The following CCPG1 variants were observed in gnomAD, a reference collection of about 807,000 sequenced individuals.
CCPG1 encodes the protein cell cycle progression 1.
In CCPG1, 46 loss-of-function variants were observed where a neutral mutation model predicts 81.3. That is an observed-to-expected ratio of 0.57 (90% CI 0.45 to 0.72). The LOEUF (loss-of-function observed/expected upper bound fraction) is 0.72. Among genes scored for constraint, CCPG1 ranks in the 30% least tolerant of loss-of-function variants. The pLI, the probability that CCPG1 is intolerant of heterozygous loss-of-function variation, is 0.00. For missense variants in CCPG1, 902 were observed against 937.6 expected, an observed-to-expected ratio of 0.96 and a Z score of 0.50; for synonymous variants, 330 against 305.2, an observed-to-expected ratio of 1.08 and a Z score of -0.85.
chr15:55,367,204 T>C (rs933121998), intron 6 of CCPG1, among the ~76,000 whole-genome samples: 2 of 152,210 alleles, frequency 1.3e-5, no homozygotes, highest in African/African-American at 4.8e-5. Context: ...TTTTTTCAAA[T>C]GTTGAAATTT....
chr15:55,379,430 A>G (rs1281155654), intron 3 of CCPG1, among the ~76,000 whole-genome samples: 2 of 152,130 alleles, frequency 1.3e-5, no homozygotes, highest in Non-Finnish European at 1.5e-5. Context: ...CAGAAAGCTG[A>G]GGCAGGAGGA....
At position 55,384,628 on chromosome 15, in the gene CCPG1, A is replaced by T. The variant is rs144666705; in HGVS notation, c.175+972T>A. 1.0e-2 allele frequency among the ~76,000 whole-genome samples: 1,520 copies of T among 152,286 alleles called. 21 individuals are homozygous for T. Among genetic ancestry groups the T allele is most frequent in the African/African-American group, 0.035 (1,440 of 41,574 alleles). On this transcript the variant is annotated intron_variant, in intron 3 of 8. Coordinates refer to ENST00000442196, the MANE Select transcript of CCPG1 (RefSeq NM_001204450.2). Reference sequence around the variant, plus strand: ...CAAGATCATACCATTGCACTCCAGCATGGGAAACAAGAGCGAAACTCCGCC... The same window carrying T: ...CAAGATCATACCATTGCACTCCAGCTTGGGAAACAAGAGCGAAACTCCGCC...
At position 55,371,918 on chromosome 15, in the gene CCPG1, A is replaced by G. The variant is rs201663978; in HGVS notation, c.581T>C (p.Leu194Pro). Residue 194 changes from leucine to proline, a missense_variant, in exon 6 of 9, where the codon CTA (leucine) becomes CCA (proline). This residue lies in a region of CCPG1 where 746 missense variants were observed against 728.6 expected (regional missense o/e 1.02). Coordinates refer to ENST00000442196, the MANE Select transcript of CCPG1 (RefSeq NM_001204450.2). ...AGGTTCAGTTTCTTGTTCAGCAACT[A>G]GCCGGTCTTCAGATTCTGAAGCAGA... ...TVSASESEDR[L>P]VAEQETEPSK... 67 of 1,614,086 alleles carry G rather than the reference A, an allele frequency of 4.2e-5. No homozygotes were observed. Among genetic ancestry groups the G allele is most frequent in the Non-Finnish European group, 5.3e-5 (63 of 1,180,036 alleles).
At chr15:55,396,154 CAAAAAAAAAA>C (rs57419686) in intron 1 of CCPG1, among the ~76,000 whole-genome samples, 4 of 123,092 alleles carry the variant, frequency 3.2e-5, no homozygotes, top group African/African-American at 1.3e-4. Flanking sequence ...ACTCCACCTC[CAAAAAAAAAA>C]AAAAAAAAGA....
chr15:55,358,473 G>A (rs1393237215), intron 8 of CCPG1: 1 of 985,252 alleles, frequency 1.0e-6, no homozygotes, highest in Non-Finnish European at 1.2e-6. Flanking sequence ...GGCCCTTCAT[G>A]GTCTGCATCT....
chr15:55,355,376 A>T lies in CCPG1; in HGVS notation c.*844T>A, dbSNP rs371775367. ...GCCAGAGGGTCGAATTGGAAGTCAC[A>T]TATATGTCTATGAACGGAAGTTAAA... On this transcript the variant is annotated 3_prime_UTR_variant, in exon 9 of 9. Transcript: ENST00000442196. 39 of 1,611,628 alleles carry T rather than the reference A, an allele frequency of 2.4e-5. No individual in the cohort carries two copies. The highest frequency in any genetic ancestry group is 3.3e-5 in the Non-Finnish European group (39 of 1,178,142).
chr15:55,401,259 A>T (rs1239951759), intron 1 of CCPG1, among the ~76,000 whole-genome samples: 1 of 152,122 alleles, frequency 6.6e-6, no homozygotes, highest in Non-Finnish European at 1.5e-5. Flanking sequence ...TGTGTTCTCT[A>T]TTCTGTTCCA....
intron 1 of CCPG1, among the ~76,000 whole-genome samples, chr15:55,395,798 A>C (rs967102055): frequency 6.6e-6 from 1 of 152,166 alleles, no homozygotes; most frequent in African/African-American, 2.4e-5. Flanking sequence ...ATACATATTA[A>C]GCAATCAATA....
At chr15:55,376,522 G>C (rs1472065033) in intron 5 of CCPG1, among the ~76,000 whole-genome samples, 1 of 152,172 alleles carries the variant, frequency 6.6e-6, no homozygotes, top group African/African-American at 2.4e-5. Flanking sequence ...ATAAATGTTT[G>C]TTGCATGATT....
chr15:55,395,007 C>A (rs1301290110), intron 1 of CCPG1, among the ~76,000 whole-genome samples: 4 of 152,036 alleles, frequency 2.6e-5, no homozygotes, highest in Non-Finnish European at 5.9e-5. Context: ...GGATTTGAGA[C>A]TGAGATGGAT....
rs1336535773 is a variant in CCPG1 at position 55,388,995 on chromosome 15, T to C, written c.60+370A>G. 3.0e-5 allele frequency among the ~76,000 whole-genome samples: 4 copies of C among 133,400 alleles called. No individual in the cohort carries two copies. The Admixed American group carries it at 3.6e-4, about 12-fold the overall frequency. The allele number at this position is 133,400 out of a possible 152,430, so 87.5% of individuals were successfully genotyped here. A position where few individuals can be genotyped will look rare whatever the true frequency, so the allele number is the denominator to read the frequency against. On this transcript the variant is annotated intron_variant, in intron 2 of 8. Coordinates refer to ENST00000442196, the MANE Select transcript of CCPG1 (RefSeq NM_001204450.2). ...AGGCAGGAGAATCATTTCAGTCCAG[T>C]GGGGCGGAGGTTGCAGTGAGCTGAG...
At chr15:55,365,901 G>A (rs1477084650) in intron 6 of CCPG1, among the ~76,000 whole-genome samples, 1 of 151,144 alleles carries the variant, frequency 6.6e-6, no homozygotes, top group African/African-American at 2.4e-5. Context: ...AGACCAGCCT[G>A]GCCAACATGG....
intron 8 of CCPG1, chr15:55,356,970 A>G: frequency 1.0e-6 from 1 of 985,594 alleles, no homozygotes. Flanking sequence ...AGCATGACAC[A>G]TTTATTCCTT....
intron 6 of CCPG1, among the ~76,000 whole-genome samples, chr15:55,371,041 G>A (rs1254685012): frequency 1.3e-5 from 2 of 151,584 alleles, no homozygotes; most frequent in Admixed American, 1.3e-4. Flanking sequence ...AGAACCCTGG[G>A]AGTGGAGTTT....
Position 55,377,039 on chromosome 15 carries a change from C to A in CCPG1, c.364G>T (p.Val122Phe). 6.2e-7 allele frequency: 1 copy of A among 1,613,888 alleles called. No individual in the cohort carries two copies. Among genetic ancestry groups the A allele is most frequent in the Non-Finnish European group, 8.5e-7 (1 of 1,179,876 alleles). The part of the protein sequence containing the change: ...PKLEEIGNQE[V>F]VIVEEAQSSE... ...CTCTGTGCTTCTTCAACAATGACAA[C>A]TTCTTGATTTCCAATTTCTTCTAAC... The change falls in exon 5 of 9, where the codon GTT becomes TTT. Residue 122 changes from valine to phenylalanine, a missense_variant. Physicochemically the swap from Val to Phe is conservative, Grantham distance 50 (BLOSUM62 -1). Transcript: ENST00000442196.
At chr15:55,375,136 G>C (rs1450416249) in intron 5 of CCPG1, among the ~76,000 whole-genome samples, 1 of 152,162 alleles carries the variant, frequency 6.6e-6, no homozygotes, top group East Asian at 1.9e-4. Context: ...CAAGAAGTCA[G>C]AATTCAGAAA....
chr15:55,372,364 T>A, intron 5 of CCPG1: 1 of 289,268 alleles, frequency 3.5e-6, no homozygotes. Flanking sequence ...TCGCATAGCC[T>A]CAAGTTTCAT....
chr15:55,401,634 C>G (rs1021180363), intron 1 of CCPG1, among the ~76,000 whole-genome samples: 1 of 149,786 alleles, frequency 6.7e-6, no homozygotes, highest in Non-Finnish European at 1.5e-5. Context: ...CCATTTCACT[C>G]CAGCCTGGGC....
At chr15:55,368,434 AC>A (rs1165089678) in intron 6 of CCPG1, among the ~76,000 whole-genome samples, 1 of 152,110 alleles carries the variant, frequency 6.6e-6, no homozygotes, top group East Asian at 1.9e-4. Flanking sequence ...CAGTAAGTGT[AC>A]CCTTTGAGCT....
Sources: gnomAD v4.1 joint callset for allele counts (sites outside exome capture counted in the v4.1 genomes callset) on GRCh38, gnomAD v4.1.1 for gene constraint, gnomAD v4.1.1 regional missense constraint, MANE v1.5 for transcripts, NCBI Gene and HGNC (gene_info 2026-07-23, HGNC 2026-07-21) for gene names.